Variants in ARHGAP19 observed in about 807,000 individuals in gnomAD.
ARHGAP19 encodes the protein rho GTPase-activating protein 19.
ARHGAP19 carries 48 observed loss-of-function variants against 60.9 expected under a neutral mutation model. The ratio of observed to expected loss-of-function variants is 0.79; its 90% confidence interval spans 0.62 to 1.00. The LOEUF is 1.00. ARHGAP19 is among the 50% of genes least tolerant of loss of function. ARHGAP19 has a pLI of 0.00. For missense variants in ARHGAP19, 562 were observed against 597.2 expected (o/e 0.94, Z 0.61); for synonymous variants, 209 against 215.5 (o/e 0.97, Z 0.27).
intron 1 of ARHGAP19, among the ~76,000 whole-genome samples, chr10:97,289,049 C>G (rs1258299659): frequency 6.6e-6 from 1 of 151,418 alleles, no homozygotes; most frequent in Admixed American, 6.6e-5. Context: ...GATCTCCTGA[C>G]CTCATGATCC....
In ARHGAP19 at chr10:97,253,020, G is replaced by A. The variant is rs565951966; in HGVS notation, c.927+3298C>T. The stretch of plus-strand genomic sequence containing the variant: ...AAATTGCAGCAACATGGATGGAACC[G>A]GAGGCTATTAAGTGAAATTAACCAG... On this transcript the variant is annotated intron_variant, in intron 6 of 11. Coordinates refer to ENST00000358531, the MANE Select transcript of ARHGAP19 (RefSeq NM_032900.6). Among the ~76,000 whole-genome samples the A allele has an allele frequency of 1.1e-4, 17 of 152,204 alleles. No homozygotes were observed. The East Asian group carries it at 2.9e-3, about 26-fold the overall frequency.
intron 1 of ARHGAP19, among the ~76,000 whole-genome samples, chr10:97,290,959 G>A (rs1174499494): frequency 1.3e-5 from 2 of 152,096 alleles, no homozygotes; most frequent in Non-Finnish European, 2.9e-5. Context: ...GGACTAGCTG[G>A]ATTTCCTAGG....
rs1305802107 is a variant in ARHGAP19 at position 97,238,319 on chromosome 10, TGCTGAG to T, written c.1186-3010_1186-3005del. ...ACTCCTGGGCTCAAGCGATTCTTCC[TGCTGAG>T]GCTGAGGCTGAGGCCTCCTGTGTAG... On this transcript the variant is annotated intron_variant, in intron 8 of 11. Coordinates refer to ENST00000358531, the MANE Select transcript of ARHGAP19 (RefSeq NM_032900.6). Among the ~76,000 whole-genome samples the T allele has an allele frequency of 3.9e-5, 6 of 152,288 alleles. No homozygotes were observed. In the South Asian group the frequency reaches 8.3e-4, roughly 21 times the overall value.
chr10:97,270,111 A>T (rs546344267), intron 1 of ARHGAP19, among the ~76,000 whole-genome samples: 14 of 152,158 alleles, frequency 9.2e-5, no homozygotes, highest in African/African-American at 3.4e-4. Context: ...AAAAAAAAAG[A>T]TACCTTGGAT....
At chr10:97,262,859 T>C (rs1416122577) in intron 4 of ARHGAP19, among the ~76,000 whole-genome samples, 2 of 152,226 alleles carry the variant, frequency 1.3e-5, no homozygotes, top group Non-Finnish European at 2.9e-5. Context: ...CTCATGCCTA[T>C]AATCCCAGCA....
chr10:97,260,618 TACAA>T (rs2134880092), intron 4 of ARHGAP19, among the ~76,000 whole-genome samples: 1 of 152,236 alleles, frequency 6.6e-6, no homozygotes, highest in South Asian at 2.1e-4. Context: ...TGGCTATAAC[TACAA>T]ACAGATTGAC....
At chr10:97,245,746 G>A (rs1842554591) in intron 7 of ARHGAP19, among the ~76,000 whole-genome samples, 1 of 151,998 alleles carries the variant, frequency 6.6e-6, no homozygotes. Context: ...AAATAGGAAT[G>A]AATTACATAA....
At chr10:97,241,861 T>A (rs1218659065) in intron 8 of ARHGAP19, among the ~76,000 whole-genome samples, 1 of 150,970 alleles carries the variant, frequency 6.6e-6, no homozygotes, top group South Asian at 2.1e-4. Flanking sequence ...TACAAAAAAA[T>A]TAGCCGGGCA....
At chr10:97,248,160 T>C (rs906788322) in intron 6 of ARHGAP19, among the ~76,000 whole-genome samples, 3 of 152,114 alleles carry the variant, frequency 2.0e-5, no homozygotes, top group Admixed American at 6.6e-5. Context: ...AGACGGGGTT[T>C]CACCCCGCCT....
intron 1 of ARHGAP19, among the ~76,000 whole-genome samples, chr10:97,286,342 A>T (rs1843154439): frequency 6.6e-6 from 1 of 152,256 alleles, no homozygotes; most frequent in Admixed American, 6.5e-5. Flanking sequence ...CTGTAATCCC[A>T]ACACTTTGGG....
chr10:97,264,709 C>T, intron 3 of ARHGAP19, 117 bp downstream of exon 3: 1 of 643,446 alleles, frequency 1.6e-6, no homozygotes, highest in South Asian at 2.0e-5. Context: ...AAAATTAACA[C>T]TGGTTAGTTC....
In ARHGAP19 at chr10:97,229,197, A is replaced by G. The variant is rs1339465768; in HGVS notation, c.1424T>C (p.Met475Thr). 1.9e-6 allele frequency: 3 copies of G among 1,614,040 alleles called. No individual in the cohort carries two copies. The highest frequency in any genetic ancestry group is 2.7e-5 in the African/African-American group (2 of 74,934). Reference sequence around the variant, plus strand: ...AGACCACTTCAATCTTGTTGGTGTCATCGTGACAGCTGGAGAGCCAGAAAA... The same window carrying G: ...AGACCACTTCAATCTTGTTGGTGTCGTCGTGACAGCTGGAGAGCCAGAAAA... ...LLFSGSPAVT[M>T]TPTRLKWSEG... Residue 475 changes from methionine (M) to threonine (T), a missense_variant, in exon 11 of 12, where the codon ATG becomes ACG. Coordinates refer to ENST00000358531, the MANE Select transcript of ARHGAP19 (RefSeq NM_032900.6).
intron 1 of ARHGAP19, among the ~76,000 whole-genome samples, chr10:97,271,118 C>T (rs1319940696): frequency 6.6e-6 from 1 of 152,074 alleles, no homozygotes; most frequent in Non-Finnish European, 1.5e-5. Flanking sequence ...ATAAAAAGCA[C>T]AATCTCCAAA....
At chr10:97,239,779 C>T (rs1842450029) in intron 8 of ARHGAP19, among the ~76,000 whole-genome samples, 2 of 151,882 alleles carry the variant, frequency 1.3e-5, no homozygotes, top group South Asian at 4.2e-4. Flanking sequence ...ATGACCTCGG[C>T]TCACAGCAAC....
At chr10:97,286,848 T>C (rs1318454956) in intron 1 of ARHGAP19, among the ~76,000 whole-genome samples, 1 of 152,228 alleles carries the variant, frequency 6.6e-6, no homozygotes, top group Admixed American at 6.5e-5. Flanking sequence ...TGAGGAGAAG[T>C]AGCTTTATTT....
chr10:97,234,678 AACATAGAAGCATAT>A (rs1851096958), intron 9 of ARHGAP19, among the ~76,000 whole-genome samples: 1 of 152,242 alleles, frequency 6.6e-6, no homozygotes, highest in East Asian at 1.9e-4. Flanking sequence ...TAGCAGCAAT[AACATAGAAGCATAT>A]TTTGTATTTG....
chr10:97,239,544 GAGAGAGGGTGTGTGTGT>G (rs1842437312), intron 8 of ARHGAP19, among the ~76,000 whole-genome samples: 1 of 123,508 alleles, frequency 8.1e-6, no homozygotes, highest in Non-Finnish European at 1.7e-5. Flanking sequence ...GAGAGAGAGA[GAGAGAGGGTGTGTGTGT>G]GTGTGTGTGT....
At chr10:97,228,166 G>A (rs1024249121) in intron 11 of ARHGAP19, among the ~76,000 whole-genome samples, 23 of 152,338 alleles carry the variant, frequency 1.5e-4, no homozygotes, top group African/African-American at 5.5e-4. Context: ...AGAATATACT[G>A]AAATCTAATT....
chr10:97,245,699 A>G (rs1207268369), intron 7 of ARHGAP19, among the ~76,000 whole-genome samples: 1 of 151,968 alleles, frequency 6.6e-6, no homozygotes, highest in African/African-American at 2.4e-5. Flanking sequence ...CAAGTCTTTT[A>G]GCCATTTGAT....
Sources: gnomAD v4.1 joint callset for allele counts (sites outside exome capture counted in the v4.1 genomes callset) on GRCh38, gnomAD v4.1.1 for gene constraint, MANE v1.5 for transcripts, NCBI Gene and HGNC (gene_info 2026-07-23, HGNC 2026-07-21) for gene names.